TENM2: variants seen among roughly 807,000 people sequenced by gnomAD.
TENM2 encodes the protein teneurin transmembrane protein 2.
In TENM2, 52 loss-of-function variants were observed where a neutral mutation model predicts 245.2. That is an observed-to-expected ratio of 0.21 (90% confidence interval 0.17 to 0.27). The LOEUF is 0.27. Among genes scored for constraint, TENM2 ranks in the 10% least tolerant of loss-of-function variants. The probability of loss-of-function intolerance (pLI) is 1.00; values close to 1 mark genes in which losing one functional copy is unlikely to be tolerated. For synonymous variants in TENM2, 1,363 were observed against 1,438.9 expected, an observed-to-expected ratio of 0.95 and a Z score of 1.19; for missense variants, 3,046 against 3,666.8, an observed-to-expected ratio of 0.83 and a Z score of 4.37.
chr5:167,043,456 G>A, the TENM2 span, among the ~76,000 whole-genome samples: 1 of 152,126 alleles, frequency 6.6e-6, no homozygotes, highest in African/African-American at 2.4e-5. Flanking sequence ...AGAGAAAATA[G>A]ATGTTTTATT....
chr5:167,394,230 T>C (rs1761924755), intron 2 of TENM2, among the ~76,000 whole-genome samples: 1 of 152,204 alleles, frequency 6.6e-6, no homozygotes, highest in Non-Finnish European at 1.5e-5. Flanking sequence ...TTCCCAATTT[T>C]TTTTAGGAGA....
intron 2 of TENM2, among the ~76,000 whole-genome samples, chr5:167,642,886 G>A (rs1194903697): frequency 6.6e-6 from 1 of 152,186 alleles, no homozygotes; most frequent in African/African-American, 2.4e-5. Context: ...ACAGTGCAGG[G>A]ATCATGTCTT....
intron 4 of TENM2, among the ~76,000 whole-genome samples, chr5:167,973,170 A>G (rs931525245): frequency 1.3e-5 from 2 of 152,252 alleles, no homozygotes. Flanking sequence ...TTTAACTATT[A>G]CAGAAAAGCA....
chr5:167,460,461 G>C lies in TENM2; in HGVS notation c.502+84988G>C, dbSNP rs74670342. On this transcript the variant is annotated intron_variant, in intron 2 of 28. Transcript: ENST00000518659. ...GGGATTCAGCTTAAAAACTGTGAAG[G>C]GTTCTTTTAAAATTTTATTTGCACT... Among the ~76,000 whole-genome samples, 29 of 152,088 alleles carry C rather than the reference G, an allele frequency of 1.9e-4. No homozygotes were observed. In the East Asian group the frequency reaches 4.5e-3, roughly 23 times the overall value.
chr5:167,401,510 A>G (rs990454894), intron 2 of TENM2, among the ~76,000 whole-genome samples: 2 of 152,172 alleles, frequency 1.3e-5, no homozygotes, highest in Non-Finnish European at 2.9e-5. Flanking sequence ...TTAAAAGGAC[A>G]AAGTGTAAAA....
At chr5:168,131,111 G>A (rs529060886) in intron 12 of TENM2, among the ~76,000 whole-genome samples, 1 of 152,266 alleles carries the variant, frequency 6.6e-6, no homozygotes, top group East Asian at 1.9e-4. Context: ...TTGCATTGCC[G>A]GGGAATCAAG....
chr5:167,001,019 A>G, the TENM2 span, among the ~76,000 whole-genome samples: 1 of 151,846 alleles, frequency 6.6e-6, no homozygotes, highest in Non-Finnish European at 1.5e-5. Context: ...GCATTGGCTG[A>G]TTGGTTTGTT....
chr5:167,322,231 C>A (rs1271970726), intron 1 of TENM2, among the ~76,000 whole-genome samples: 1 of 148,608 alleles, frequency 6.7e-6, no homozygotes, highest in Non-Finnish European at 1.5e-5. Flanking sequence ...TTTTTTGTTG[C>A]TGTTGTTTTT....
intron 5 of TENM2, among the ~76,000 whole-genome samples, chr5:168,039,168 T>A (rs747568971): frequency 2.0e-5 from 3 of 152,230 alleles, no homozygotes; most frequent in Non-Finnish European, 4.4e-5. Context: ...CGGATCGATA[T>A]GACATCTTAT....
At chr5:167,906,604 G>T (rs1395361304) in intron 3 of TENM2, among the ~76,000 whole-genome samples, 1 of 152,200 alleles carries the variant, frequency 6.6e-6, no homozygotes, top group Non-Finnish European at 1.5e-5. Flanking sequence ...AGGCTTAAGA[G>T]TCAGGATCTT....
At chr5:167,378,736 G>T (rs1406600073) in intron 2 of TENM2, among the ~76,000 whole-genome samples, 1 of 152,048 alleles carries the variant, frequency 6.6e-6, no homozygotes, top group African/African-American at 2.4e-5. Context: ...AGAAAAAGGG[G>T]TAGTCAGTAA....
At chr5:167,512,201 A>G (rs959111712) in intron 2 of TENM2, among the ~76,000 whole-genome samples, 3 of 152,218 alleles carry the variant, frequency 2.0e-5, no homozygotes, top group African/African-American at 7.2e-5. Context: ...ACACAGATCC[A>G]TGAAAAGTAT....
chr5:167,099,959 C>A, the TENM2 span, among the ~76,000 whole-genome samples: 1 of 152,108 alleles, frequency 6.6e-6, no homozygotes, highest in African/African-American at 2.4e-5. Flanking sequence ...TGGGCTGAGT[C>A]CTTTTGAGGT....
intron 2 of TENM2, among the ~76,000 whole-genome samples, chr5:167,456,071 A>G (rs1459050676): frequency 6.6e-6 from 1 of 152,186 alleles, no homozygotes; most frequent in Non-Finnish European, 1.5e-5. Context: ...TTTTAGAGAC[A>G]ACGTCTCTAA....
chr5:167,545,864 G>C (rs1323156730), intron 2 of TENM2, among the ~76,000 whole-genome samples: 1 of 152,134 alleles, frequency 6.6e-6, no homozygotes, highest in Non-Finnish European at 1.5e-5. Flanking sequence ...GTACAGACTT[G>C]ACAGGCCATA....
chr5:168,191,522 G>A (rs777840876), intron 14 of TENM2, among the ~76,000 whole-genome samples: 89 of 152,228 alleles, frequency 5.8e-4, no homozygotes, highest in Non-Finnish European at 1.2e-3. Flanking sequence ...TTCACATCAA[G>A]AAATAAAAAC....
At chr5:167,872,573 A>G (rs796787448) in intron 2 of TENM2, among the ~76,000 whole-genome samples, 2 of 40,892 alleles carry the variant, frequency 4.9e-5, no homozygotes, top group East Asian at 1.8e-3. Context: ...AAAGAAAGAA[A>G]GAAAGAAAGA....
At chr5:167,736,686 G>GA (rs57992345) in intron 2 of TENM2, among the ~76,000 whole-genome samples, 14,886 of 127,496 alleles carry the variant, frequency 0.12, 1,020 homozygotes, top group East Asian at 0.2. Context: ...CCTGGCTCAG[G>GA]AAAAAAAAAA....
chr5:167,005,591 C>T, the TENM2 span, among the ~76,000 whole-genome samples: 11 of 148,138 alleles, frequency 7.4e-5, no homozygotes, highest in African/African-American at 2.7e-4. Context: ...AATCTTCACT[C>T]ATTTTTATCT....
Sources: gnomAD v4.1 joint callset for allele counts (sites outside exome capture counted in the v4.1 genomes callset) on GRCh38, gnomAD v4.1.1 for gene constraint, MANE v1.5 for transcripts, NCBI Gene and HGNC (gene_info 2026-07-23, HGNC 2026-07-21) for gene names.